Variants in ALKBH1 observed in about 807,000 individuals in gnomAD.
The protein encoded by ALKBH1 is alkB homolog 1, histone H2A dioxygenase, also known as nucleic acid dioxygenase ALKBH1.
In ALKBH1, 31 loss-of-function variants were observed where a neutral mutation model predicts 36.6. The ratio of observed to expected loss-of-function variants is 0.85; its 90% confidence interval spans 0.64 to 1.14. The LOEUF (loss-of-function observed/expected upper bound fraction) is 1.14. Ranked by LOEUF, ALKBH1 falls within the 50% of genes most tolerant of loss-of-function variation. ALKBH1 has a pLI of 0.00. For missense variants in ALKBH1, 490 were observed against 497.3 expected (o/e 0.99, Z 0.14); for synonymous variants, 183 against 186.6 (o/e 0.98, Z 0.16).
intron 5 of ALKBH1, 133 bp from the exon 6 acceptor site, chr14:77,674,374 T>C (rs2080193598): frequency 9.5e-7 from 1 of 1,052,498 alleles, no homozygotes; most frequent in African/African-American, 1.6e-5. Flanking sequence ...CAAATCCTCC[T>C]TTTTAAACTG....
At chr14:77,678,545 C>CAAAAAAA (rs35334986) in intron 4 of ALKBH1, among the ~76,000 whole-genome samples, 1 of 118,342 alleles carries the variant, frequency 8.5e-6, no homozygotes, top group African/African-American at 3.0e-5. Context: ...AAGACCATTA[C>CAAAAAAA]AAAAAAAAAA....
intron 3 of ALKBH1, among the ~76,000 whole-genome samples, chr14:77,680,677 CTTTTTTTTT>C (rs1555383644): frequency 8.0e-6 from 1 of 124,348 alleles, no homozygotes; most frequent in Non-Finnish European, 1.7e-5. Flanking sequence ...ATTAACTACT[CTTTTTTTTT>C]TTTTTTTTTT....
chr14:77,703,204 A>T (rs186705589), intron 2 of ALKBH1, among the ~76,000 whole-genome samples: 17 of 152,186 alleles, frequency 1.1e-4, no homozygotes, highest in Non-Finnish European at 1.8e-4. Context: ...GCTGGTCGCA[A>T]ATTCCTGGGC....
At chr14:77,684,894 T>C (rs1489762806) in intron 3 of ALKBH1, among the ~76,000 whole-genome samples, 4 of 152,128 alleles carry the variant, frequency 2.6e-5, no homozygotes, top group East Asian at 1.9e-4. Context: ...CAGACTGATC[T>C]GAAACAATAA....
chr14:77,678,471 C>T (rs1348766279), intron 4 of ALKBH1, among the ~76,000 whole-genome samples: 1 of 150,914 alleles, frequency 6.6e-6, no homozygotes, highest in African/African-American at 2.4e-5. Flanking sequence ...TGAGGATCAC[C>T]TGAGTCTGGG....
intron 3 of ALKBH1, among the ~76,000 whole-genome samples, chr14:77,682,566 C>T (rs1012028985): frequency 6.6e-6 from 1 of 151,946 alleles, no homozygotes; most frequent in African/African-American, 2.4e-5. Flanking sequence ...TGAAGCTATG[C>T]GTTTTTGAGG....
chr14:77,688,335 C>A (rs1443072084), intron 3 of ALKBH1, among the ~76,000 whole-genome samples: 1 of 151,480 alleles, frequency 6.6e-6, no homozygotes, highest in African/African-American at 2.4e-5. Flanking sequence ...CAGCTCACTG[C>A]AACCTCTCCT....
At chr14:77,696,274 T>C (rs2284233) in intron 2 of ALKBH1, among the ~76,000 whole-genome samples, 53,715 of 151,576 alleles carry the variant, frequency 0.35, 9,736 homozygotes, top group Non-Finnish European at 0.4. Context: ...CTGCAACCTC[T>C]GCCTCCCGGG....
At chr14:77,698,924 T>A (rs1024217237) in intron 2 of ALKBH1, among the ~76,000 whole-genome samples, 8 of 152,162 alleles carry the variant, frequency 5.3e-5, no homozygotes, top group Non-Finnish European at 8.8e-5. Context: ...AATTTTTGTA[T>A]TTTAATTTAT....
chr14:77,674,144 C>T lies in ALKBH1; in HGVS notation c.838G>A (p.Gly280Ser), dbSNP rs2080192098. ...GCGTGGTTCAAGAGGCGGCTGAAAC[C>T]CGACATTATCATGATGTCACCACTG... The part of the protein sequence containing the change: ...MHSGDIMIMS[G>S]FSRLLNHAVP... Residue 280 changes from glycine (G) to serine (S), a missense_variant, in exon 6 of 6, where the codon GGT (glycine) becomes AGT (serine). Coordinates refer to ENST00000216489, the MANE Select transcript of ALKBH1 (RefSeq NM_006020.3). 2 of 1,614,042 alleles carry T rather than the reference C, an allele frequency of 1.2e-6. No individual in the cohort carries two copies. The highest frequency in any genetic ancestry group is 3.3e-5 in the Admixed American group (2 of 59,990).
chr14:77,693,125 G>A (rs2139857459), intron 3 of ALKBH1, among the ~76,000 whole-genome samples: 1 of 150,490 alleles, frequency 6.6e-6, no homozygotes, highest in East Asian at 2.0e-4. Context: ...AGAATTGCTT[G>A]AACCCGGGAG....
At chr14:77,683,149 CTTT>C (rs34921168) in intron 3 of ALKBH1, 5,804 of 403,666 alleles carry the variant, frequency 0.014, 3 homozygotes, top group Middle Eastern at 0.032. Context: ...GCTGTAAAGT[CTTT>C]TTTTTTTTTT....
chr14:77,689,004 G>A (rs1194742229), intron 3 of ALKBH1, among the ~76,000 whole-genome samples: 1 of 152,176 alleles, frequency 6.6e-6, no homozygotes. Flanking sequence ...ATAGGACAAA[G>A]TCCACACTCT....
intron 2 of ALKBH1, among the ~76,000 whole-genome samples, chr14:77,695,480 G>A (rs1030377427): frequency 6.6e-6 from 1 of 152,294 alleles, no homozygotes; most frequent in Middle Eastern, 3.4e-3. Context: ...AGACTGGAGG[G>A]CGGAAGTTGG....
At chr14:77,686,868 C>T (rs1260844208) in intron 3 of ALKBH1, among the ~76,000 whole-genome samples, 3 of 152,168 alleles carry the variant, frequency 2.0e-5, no homozygotes, top group Non-Finnish European at 4.4e-5. Flanking sequence ...GTGATCCACC[C>T]GCCTTTGCCT....
chr14:77,684,276 T>C (rs2080255406), intron 3 of ALKBH1, among the ~76,000 whole-genome samples: 2 of 152,220 alleles, frequency 1.3e-5, no homozygotes, highest in South Asian at 4.1e-4. Flanking sequence ...GGAATTACAC[T>C]TTGAAAACCA....
intron 2 of ALKBH1, among the ~76,000 whole-genome samples, chr14:77,695,921 C>T (rs778140946): frequency 2.0e-5 from 3 of 151,934 alleles, no homozygotes; most frequent in Non-Finnish European, 4.4e-5. Flanking sequence ...ATGGTGAAAC[C>T]GTCTGTACTA....
intron 3 of ALKBH1, 113 bp downstream of exon 3, chr14:77,694,625 G>GAA: frequency 2.4e-6 from 2 of 830,042 alleles, no homozygotes; most frequent in Non-Finnish European, 3.4e-6. Flanking sequence ...ACAATGAAGG[G>GAA]AAAAAAAAAC....
chr14:77,703,593 C>CCTTT, intron 2 of ALKBH1, among the ~76,000 whole-genome samples: 1 of 112,884 alleles, frequency 8.9e-6, no homozygotes, highest in South Asian at 2.8e-4. Flanking sequence ...CTGCGTCCAG[C>CCTTT]TTTTTTTTTT....
Sources: allele counts gnomAD v4.1 joint callset (sites outside exome capture counted in the v4.1 genomes callset), GRCh38; gene constraint gnomAD v4.1.1; transcripts MANE v1.5; gene names NCBI Gene and HGNC (gene_info 2026-07-23, HGNC 2026-07-21).